Variants in BACE2 observed in about 807,000 individuals in gnomAD.
BACE2 encodes the protein 56 kDa aspartic-like protease.
A neutral mutation model predicts 46.2 loss-of-function variants in BACE2; 17 were observed. That is an observed-to-expected ratio of 0.37 (90% CI 0.25 to 0.55). The LOEUF is 0.55. Among genes scored for constraint, BACE2 ranks in the 20% least tolerant of loss-of-function variants. BACE2 has a pLI of 0.82. For missense variants in BACE2, 595 were observed against 698.1 expected (o/e 0.85, Z 1.66); for synonymous variants, 277 against 295.9 (o/e 0.94, Z 0.66).
At chr21:41,241,790 G>A (rs753206518) in intron 3 of BACE2, 29 bp from the exon 4 acceptor site, 21 of 1,613,278 alleles carry the variant, frequency 1.3e-5, no homozygotes, top group Middle Eastern at 3.4e-4. Flanking sequence ...AGTCCTAAGC[G>A]GGTGCCCCTC....
chr21:41,172,670 C>T (rs1242184962), intron 1 of BACE2, among the ~76,000 whole-genome samples: 1 of 152,188 alleles, frequency 6.6e-6, no homozygotes, highest in South Asian at 2.1e-4. Flanking sequence ...TGTGGTTTGA[C>T]AGGAAGCATC....
chr21:41,169,005 A>T (rs929388324), intron 1 of BACE2, among the ~76,000 whole-genome samples: 6 of 49,500 alleles, frequency 1.2e-4, no homozygotes, highest in African/African-American at 4.0e-4. Context: ...CCCCCCCCCC[A>T]CCCCACCACC....
intron 7 of BACE2, among the ~76,000 whole-genome samples, chr21:41,255,636 G>A (rs1184585339): frequency 2.0e-5 from 3 of 152,218 alleles, no homozygotes; most frequent in Non-Finnish European, 4.4e-5. Context: ...GTCATTCACC[G>A]TTGTAGTGCT....
At chr21:41,269,976 C>CA (rs1351169017) in intron 8 of BACE2, among the ~76,000 whole-genome samples, 1 of 152,172 alleles carries the variant, frequency 6.6e-6, no homozygotes, top group East Asian at 1.9e-4. Flanking sequence ...ATGAAAGTTC[C>CA]AGTTGTTAAA....
At chr21:41,191,909 C>T (rs1325361425) in intron 1 of BACE2, among the ~76,000 whole-genome samples, 2 of 152,198 alleles carry the variant, frequency 1.3e-5, no homozygotes, top group Non-Finnish European at 2.9e-5. Flanking sequence ...CAGAGAGGTC[C>T]ATCCACATCC....
At chr21:41,247,213 C>T (rs534853586) in intron 6 of BACE2, among the ~76,000 whole-genome samples, 1 of 152,228 alleles carries the variant, frequency 6.6e-6, no homozygotes, top group East Asian at 1.9e-4. Context: ...TTTGGGTTGT[C>T]CTGAACTTCA....
At chr21:41,169,864 TAGAG>T (rs533380972) in intron 1 of BACE2, among the ~76,000 whole-genome samples, 336 of 152,310 alleles carry the variant, frequency 2.2e-3, no homozygotes, top group Middle Eastern at 6.8e-3. Context: ...AGTGGATGGT[TAGAG>T]GGAGGGAATA....
intron 2 of BACE2, among the ~76,000 whole-genome samples, chr21:41,234,028 A>G (rs1163877157): frequency 6.6e-6 from 1 of 152,116 alleles, no homozygotes; most frequent in Admixed American, 6.5e-5. Context: ...CTCAAATCTC[A>G]TCTTGAATTG....
At chr21:41,207,641 C>T (rs753929052) in intron 1 of BACE2, among the ~76,000 whole-genome samples, 3 of 149,916 alleles carry the variant, frequency 2.0e-5, no homozygotes, top group African/African-American at 5.1e-5. Context: ...ACTGATCTCC[C>T]TCCTGGTGCA....
chr21:41,195,336 G>T (rs1263950505), intron 1 of BACE2, among the ~76,000 whole-genome samples: 1 of 152,236 alleles, frequency 6.6e-6, no homozygotes, highest in Non-Finnish European at 1.5e-5. Context: ...GGCCACCTGA[G>T]GTTTTGTCTG....
chr21:41,255,527 A>T (rs1987757431), intron 7 of BACE2, among the ~76,000 whole-genome samples: 1 of 152,236 alleles, frequency 6.6e-6, no homozygotes, highest in Admixed American at 6.5e-5. Flanking sequence ...ATTAGTGGTC[A>T]GCAGTACCCA....
At chr21:41,233,135 G>A (rs1987015056) in intron 2 of BACE2, among the ~76,000 whole-genome samples, 1 of 152,102 alleles carries the variant, frequency 6.6e-6, no homozygotes, top group Non-Finnish European at 1.5e-5. Context: ...CCAAAGTGCT[G>A]GGATTACCAG....
intron 1 of BACE2, among the ~76,000 whole-genome samples, chr21:41,187,605 C>T (rs532391266): frequency 1.3e-5 from 2 of 152,286 alleles, no homozygotes; most frequent in South Asian, 2.1e-4. Flanking sequence ...CTCATGAAAG[C>T]CTCTGTGAGT....
At chr21:41,207,469 C>A (rs1207689484) in intron 1 of BACE2, among the ~76,000 whole-genome samples, 1 of 152,130 alleles carries the variant, frequency 6.6e-6, no homozygotes, top group Admixed American at 6.5e-5. Flanking sequence ...TTAAATATGT[C>A]TTCATTCGTT....
At chr21:41,224,427 G>A (rs1225450922) in intron 1 of BACE2, among the ~76,000 whole-genome samples, 2 of 152,052 alleles carry the variant, frequency 1.3e-5, no homozygotes, top group Non-Finnish European at 2.9e-5. Flanking sequence ...TGTTAGCCAG[G>A]ATCCACTCAC....
rs559124530 is a variant in BACE2, at chr21:41,205,001, A to G, written c.313-21265A>G. On this transcript the variant is annotated intron_variant, in intron 1 of 8. Transcript: ENST00000330333. The stretch of plus-strand genomic sequence containing the variant: ...AAAGCCTTATATGAGCCACATAGAA[A>G]TAGCCTGTTTCTTAAATGGCTGGCC... 7.9e-5 allele frequency among the ~76,000 whole-genome samples: 12 copies of G among 152,356 alleles called. 1 individual carries two copies. The South Asian group carries it at 2.5e-3, about 32-fold the overall frequency.
At chr21:41,275,312 A>G in intron 8 of BACE2, 59 bp from the exon 9 acceptor site, 3 of 1,606,014 alleles carry the variant, frequency 1.9e-6, no homozygotes, top group East Asian at 2.2e-5. Flanking sequence ...GTCTGTGTCC[A>G]ATGTGAGAGG....
At chr21:41,232,233 T>G (rs1170767802) in intron 2 of BACE2, among the ~76,000 whole-genome samples, 9 of 152,164 alleles carry the variant, frequency 5.9e-5, no homozygotes, top group Admixed American at 5.9e-4. Flanking sequence ...TGGACAGCGC[T>G]GGTGCAGGGC....
At chr21:41,257,963 A>C (rs1179270339) in intron 8 of BACE2, among the ~76,000 whole-genome samples, 2 of 152,192 alleles carry the variant, frequency 1.3e-5, no homozygotes, top group Non-Finnish European at 2.9e-5. Flanking sequence ...CGGAGTGCTC[A>C]CACCACACAC....
Sources: allele counts gnomAD v4.1 joint callset (sites outside exome capture counted in the v4.1 genomes callset), GRCh38; gene constraint gnomAD v4.1.1; transcripts MANE v1.5; gene names NCBI Gene and HGNC (gene_info 2026-07-23, HGNC 2026-07-21).